Variants in ST6GALNAC3 observed in about 807,000 individuals in gnomAD.
ST6GALNAC3 encodes the protein alpha-N-acetylgalactosaminide alpha-2,6-sialyltransferase 3.
A neutral mutation model predicts 32.7 loss-of-function variants in ST6GALNAC3; 25 were observed. The ratio of observed to expected loss-of-function variants is 0.76; its 90% CI spans 0.56 to 1.07. The LOEUF is 1.07. Among genes scored for constraint, ST6GALNAC3 ranks in the 50% least tolerant of loss-of-function variants. The pLI, the probability that ST6GALNAC3 is intolerant of heterozygous loss-of-function variation, is 0.00. For missense variants in ST6GALNAC3, 355 were observed against 382.4 expected (o/e 0.93, Z 0.60); for synonymous variants, 129 against 133.1 (o/e 0.97, Z 0.21).
At chr1:76,211,712 G>A (rs1300444155) in intron 1 of ST6GALNAC3, among the ~76,000 whole-genome samples, 1 of 151,846 alleles carries the variant, frequency 6.6e-6, no homozygotes, top group African/African-American at 2.4e-5. Context: ...GCATGTTCTC[G>A]CTCATAGGTG....
chr1:76,252,459 T>C (rs1657675413), intron 1 of ST6GALNAC3, among the ~76,000 whole-genome samples: 1 of 152,152 alleles, frequency 6.6e-6, no homozygotes. Context: ...TGTTTACGTT[T>C]AAAAAAGTGT....
At chr1:76,600,120 TCCTCACGATTGGGATTAGTG>T (rs565869030) in intron 3 of ST6GALNAC3, among the ~76,000 whole-genome samples, 209 of 151,768 alleles carry the variant, frequency 1.4e-3, no homozygotes, top group African/African-American at 4.9e-3. Context: ...GAGCGTGGGG[TCCTCACGATTGGGATTAGTG>T]CCTCTAGAGT....
rs375513128 is a variant in ST6GALNAC3, at chr1:76,111,707, C to T, written c.18+36823C>T. Among the ~76,000 whole-genome samples, 888 of 150,004 alleles carry T rather than the reference C, an allele frequency of 5.9e-3. 7 individuals are homozygous for T. The highest frequency in any genetic ancestry group is 0.01 in the Non-Finnish European group (698 of 67,580). On this transcript the variant is annotated intron_variant, in intron 1 of 4. Transcript: ENST00000328299. The stretch of plus-strand genomic sequence containing the variant: ...CATCTTGCACCACCCTTAATCCATT[C>T]AACCCTGAGTGGACACAGCACATGT...
intron 3 of ST6GALNAC3, among the ~76,000 whole-genome samples, chr1:76,419,413 C>T (rs558480923): frequency 2.0e-5 from 3 of 152,226 alleles, no homozygotes; most frequent in East Asian, 3.9e-4. Context: ...TGGGAAGCTT[C>T]ATTAAAATGT....
intron 1 of ST6GALNAC3, among the ~76,000 whole-genome samples, chr1:76,093,227 G>T (rs572952293): frequency 1.1e-4 from 16 of 152,322 alleles, no homozygotes; most frequent in African/African-American, 2.9e-4. Context: ...GGAAAGGAAA[G>T]AATACATATG....
chr1:76,362,068 T>C (rs571034871), intron 2 of ST6GALNAC3, among the ~76,000 whole-genome samples: 1 of 151,896 alleles, frequency 6.6e-6, no homozygotes, highest in South Asian at 2.1e-4. Flanking sequence ...TTCCATAGGC[T>C]GTACAGGAAG....
chr1:76,322,648 G>A (rs901745749), intron 2 of ST6GALNAC3, among the ~76,000 whole-genome samples: 1 of 152,110 alleles, frequency 6.6e-6, no homozygotes, highest in African/African-American at 2.4e-5. Flanking sequence ...TTTCAGAGTA[G>A]CCTTACAAAG....
intron 3 of ST6GALNAC3, among the ~76,000 whole-genome samples, chr1:76,599,617 A>T (rs994913882): frequency 6.6e-6 from 1 of 152,112 alleles, no homozygotes; most frequent in Non-Finnish European, 1.5e-5. Flanking sequence ...CATGTGAAAA[A>T]TCAAGTTTAA....
At chr1:76,611,687 TA>T (rs1356272257) in intron 3 of ST6GALNAC3, among the ~76,000 whole-genome samples, 1 of 152,202 alleles carries the variant, frequency 6.6e-6, no homozygotes, top group Non-Finnish European at 1.5e-5. Context: ...TCTAGTAATG[TA>T]CAGCAAAAAA....
At chr1:76,285,918 T>G (rs956143899) in intron 1 of ST6GALNAC3, among the ~76,000 whole-genome samples, 1 of 126,444 alleles carries the variant, frequency 7.9e-6, no homozygotes. Context: ...CCGCGCCCCC[T>G]CCCCCATCTG....
At chr1:76,169,140 G>T (rs982611243) in intron 1 of ST6GALNAC3, among the ~76,000 whole-genome samples, 1 of 152,118 alleles carries the variant, frequency 6.6e-6, no homozygotes, top group African/African-American at 2.4e-5. Flanking sequence ...TGTAAGGTAG[G>T]TCTGGTGGTA....
chr1:76,188,901 T>G (rs1301146128), intron 1 of ST6GALNAC3, among the ~76,000 whole-genome samples: 1 of 152,172 alleles, frequency 6.6e-6, no homozygotes, highest in African/African-American at 2.4e-5. Flanking sequence ...CCTGCACACT[T>G]CAATCCCATG....
chr1:76,313,642 T>C (rs1198178081), intron 1 of ST6GALNAC3, 163 bp from the exon 2 acceptor site: 3 of 829,952 alleles, frequency 3.6e-6, no homozygotes, highest in Non-Finnish European at 6.1e-6. Flanking sequence ...TAGGACAATT[T>C]GGTCACCAAA....
intron 2 of ST6GALNAC3, among the ~76,000 whole-genome samples, chr1:76,326,391 A>G (rs1647070112): frequency 6.6e-6 from 1 of 152,132 alleles, no homozygotes; most frequent in African/African-American, 2.4e-5. Flanking sequence ...GTCCAACATC[A>G]ATGGAGTGGG....
chr1:76,307,174 G>T (rs1187518283), intron 1 of ST6GALNAC3, among the ~76,000 whole-genome samples: 1 of 152,066 alleles, frequency 6.6e-6, no homozygotes, highest in Non-Finnish European at 1.5e-5. Flanking sequence ...CTGATTATGA[G>T]AACATGGGAG....
At chr1:76,405,866 AT>A (rs1192635716) in intron 2 of ST6GALNAC3, among the ~76,000 whole-genome samples, 3 of 151,944 alleles carry the variant, frequency 2.0e-5, no homozygotes, top group Non-Finnish European at 2.9e-5. Context: ...AATAAAATAT[AT>A]TGTTTACAAA....
intron 3 of ST6GALNAC3, among the ~76,000 whole-genome samples, chr1:76,621,086 C>T (rs899452993): frequency 3.3e-5 from 5 of 151,986 alleles, no homozygotes; most frequent in African/African-American, 1.2e-4. Flanking sequence ...TTTAAATGTA[C>T]GTTTTTGAAA....
chr1:76,306,259 G>A (rs1661044572), intron 1 of ST6GALNAC3, among the ~76,000 whole-genome samples: 2 of 152,014 alleles, frequency 1.3e-5, no homozygotes, highest in Non-Finnish European at 2.9e-5. Context: ...TTCTGCTAGA[G>A]AACACTAGGT....
chr1:76,198,887 C>A (rs977546530), intron 1 of ST6GALNAC3, among the ~76,000 whole-genome samples: 2 of 152,036 alleles, frequency 1.3e-5, no homozygotes, highest in African/African-American at 4.8e-5. Context: ...CTGGGCAAGG[C>A]TAATTAAGAA....
Sources: gnomAD v4.1 joint callset for allele counts (sites outside exome capture counted in the v4.1 genomes callset) on GRCh38, gnomAD v4.1.1 for gene constraint, MANE v1.5 for transcripts, NCBI Gene and HGNC (gene_info 2026-07-23, HGNC 2026-07-21) for gene names.